Variants in SLC6A11 observed in about 807,000 individuals in gnomAD.
The protein encoded by SLC6A11 is solute carrier family 6 member 11.
SLC6A11 carries 25 observed loss-of-function variants against 74.8 expected under a neutral mutation model. That is an observed-to-expected ratio of 0.33 (90% confidence interval 0.24 to 0.47). SLC6A11 has a LOEUF of 0.47. Among genes scored for constraint, SLC6A11 ranks in the 20% least tolerant of loss-of-function variants. The pLI is 1.00. For synonymous variants in SLC6A11, 330 were observed against 330.2 expected, an observed-to-expected ratio of 1.00 and a Z score of 0.01; for missense variants, 574 against 837.0, an observed-to-expected ratio of 0.69 and a Z score of 3.88.
chr3:10,843,848 G>A (rs1200138265), intron 4 of SLC6A11, among the ~76,000 whole-genome samples: 2 of 152,218 alleles, frequency 1.3e-5, no homozygotes, highest in African/African-American at 4.8e-5. Context: ...CTCAAGTTTG[G>A]CAGGGCAGGA....
At chr3:10,874,830 G>A (rs922044823) in intron 5 of SLC6A11, 131 bp from the exon 6 acceptor site, 12 of 821,268 alleles carry the variant, frequency 1.5e-5, no homozygotes, top group Admixed American at 4.9e-5. Context: ...GTCTATACAC[G>A]CGGGGGAATG....
chr3:10,912,028 G>A (rs1400495056), intron 6 of SLC6A11, 62 bp from the exon 7 acceptor site: 12 of 1,115,606 alleles, frequency 1.1e-5, no homozygotes, highest in African/African-American at 1.1e-4. Flanking sequence ...CAGAGACCAG[G>A]GCTACCCTCT....
At chr3:10,876,456 A>G (rs1694907965) in intron 6 of SLC6A11, among the ~76,000 whole-genome samples, 1 of 152,134 alleles carries the variant, frequency 6.6e-6, no homozygotes, top group Non-Finnish European at 1.5e-5. Flanking sequence ...GCCTTGATCC[A>G]AGACAGATTT....
chr3:10,822,593 G>A (rs1242637333), intron 3 of SLC6A11, among the ~76,000 whole-genome samples: 3 of 152,198 alleles, frequency 2.0e-5, no homozygotes, highest in Admixed American at 2.0e-4. Flanking sequence ...GATTTCAGGG[G>A]AGGGAGGTTG....
At chr3:10,847,599 G>A (rs887325213) in intron 5 of SLC6A11, among the ~76,000 whole-genome samples, 7 of 152,130 alleles carry the variant, frequency 4.6e-5, no homozygotes, top group Admixed American at 1.3e-4. Flanking sequence ...AGCCTTGCCC[G>A]AGGTCACATA....
chr3:10,842,871 G>A (rs1183959584), intron 4 of SLC6A11, among the ~76,000 whole-genome samples: 1 of 152,164 alleles, frequency 6.6e-6, no homozygotes, highest in South Asian at 2.1e-4. Context: ...GCTGGGGCTG[G>A]AGGGAGCCTG....
At chr3:10,841,955 G>A (rs1000812073) in intron 4 of SLC6A11, among the ~76,000 whole-genome samples, 14 of 152,308 alleles carry the variant, frequency 9.2e-5, no homozygotes, top group African/African-American at 2.9e-4. Flanking sequence ...GGCTGTTTCC[G>A]TCAGCAGCAG....
intron 6 of SLC6A11, among the ~76,000 whole-genome samples, chr3:10,907,092 A>G (rs1290867529): frequency 6.6e-6 from 1 of 152,248 alleles, no homozygotes; most frequent in East Asian, 1.9e-4. Context: ...AAAACAGTGC[A>G]GCACTGAAAG....
intron 5 of SLC6A11, among the ~76,000 whole-genome samples, chr3:10,850,710 C>G (rs1311559914): frequency 6.6e-6 from 1 of 152,082 alleles, no homozygotes; most frequent in African/African-American, 2.4e-5. Flanking sequence ...AGGGAAGCGG[C>G]GGGGGTCAGG....
At chr3:10,917,605 C>A (rs1695475142) in intron 7 of SLC6A11, among the ~76,000 whole-genome samples, 1 of 152,202 alleles carries the variant, frequency 6.6e-6, no homozygotes, top group Admixed American at 6.5e-5. Context: ...GTACCGTCTT[C>A]ATCTTGACAA....
intron 4 of SLC6A11, among the ~76,000 whole-genome samples, chr3:10,834,613 G>T (rs570062217): frequency 6.6e-6 from 1 of 152,072 alleles, no homozygotes; most frequent in South Asian, 2.1e-4. Context: ...CTCCAGGGTC[G>T]CACATGCACA....
At chr3:10,835,642 C>T (rs147110829) in intron 4 of SLC6A11, among the ~76,000 whole-genome samples, 5 of 152,312 alleles carry the variant, frequency 3.3e-5, no homozygotes, top group Non-Finnish European at 5.9e-5. Flanking sequence ...AACTTGGGAT[C>T]AAGAGACAGG....
chr3:10,935,103 C>G lies in SLC6A11; in HGVS notation c.1650C>G (p.Gly550=), dbSNP rs1400919198. The part of the protein sequence containing the change: ...YNNIYTYPAW[G]YGIGWLMALS... ...ACATCTACACCTACCCAGCCTGGGGCTATGGCATTGGCTGGCTCATGGCCC... is the reference window on the plus strand; with the variant it reads ...ACATCTACACCTACCCAGCCTGGGGGTATGGCATTGGCTGGCTCATGGCCC... The change falls in exon 13 of 14, where the codon GGC becomes GGG. Residue 550 remains glycine (G), a synonymous_variant. Transcript: ENST00000254488. 3.0e-5 allele frequency: 48 copies of G among 1,614,160 alleles called. No homozygotes were observed. Among genetic ancestry groups the G allele is most frequent in the Non-Finnish European group, 4.0e-5 (47 of 1,179,972 alleles).
intron 5 of SLC6A11, among the ~76,000 whole-genome samples, chr3:10,873,552 A>ATGGCATG (rs1559566887): frequency 2.8e-5 from 4 of 142,818 alleles, no homozygotes; most frequent in East Asian, 2.2e-4. Context: ...ATCCTATCCT[A>ATGGCATG]CCCTACCCTA....
chr3:10,896,572 C>T (rs1037858199), intron 6 of SLC6A11, among the ~76,000 whole-genome samples: 1 of 152,214 alleles, frequency 6.6e-6, no homozygotes, highest in Non-Finnish European at 1.5e-5. Context: ...CTCTCTTGAC[C>T]CGTGGAAAAC....
chr3:10,936,194 C>G (rs910355366), intron 13 of SLC6A11, among the ~76,000 whole-genome samples: 3 of 152,210 alleles, frequency 2.0e-5, no homozygotes, highest in Non-Finnish European at 4.4e-5. Flanking sequence ...TCATTTAATC[C>G]GCATAGCAAT....
intron 6 of SLC6A11, among the ~76,000 whole-genome samples, chr3:10,911,102 G>T (rs1695381735): frequency 6.6e-6 from 1 of 152,174 alleles, no homozygotes; most frequent in African/African-American, 2.4e-5. Flanking sequence ...GGGATTACAG[G>T]CATGAGCCAC....
intron 10 of SLC6A11, among the ~76,000 whole-genome samples, chr3:10,932,200 T>G (rs1286978077): frequency 6.6e-6 from 1 of 152,144 alleles, no homozygotes; most frequent in Non-Finnish European, 1.5e-5. Flanking sequence ...ATTACCTTGG[T>G]CAGCTGAGCT....
chr3:10,829,026 A>T (rs1255500801), intron 4 of SLC6A11, among the ~76,000 whole-genome samples: 1 of 152,176 alleles, frequency 6.6e-6, no homozygotes, highest in East Asian at 1.9e-4. Context: ...CAGTGTCCAC[A>T]TCTGTAAATT....
Sources: gnomAD v4.1 joint callset for allele counts (sites outside exome capture counted in the v4.1 genomes callset) on GRCh38, gnomAD v4.1.1 for gene constraint, MANE v1.5 for transcripts, NCBI Gene and HGNC (gene_info 2026-07-23, HGNC 2026-07-21) for gene names.